ARHGAP24: variants seen among roughly 807,000 people sequenced by gnomAD.
ARHGAP24 encodes the protein rho GTPase-activating protein 24.
ARHGAP24 carries 50 observed loss-of-function variants against 76.4 expected under a neutral mutation model. That is an observed-to-expected ratio of 0.65 (90% CI 0.52 to 0.83). ARHGAP24 has a LOEUF of 0.83. ARHGAP24 is among the 40% of genes least tolerant of loss of function. The pLI, the probability that ARHGAP24 is intolerant of heterozygous loss-of-function variation, is 0.00. For missense variants in ARHGAP24, 930 were observed against 914.2 expected (o/e 1.02, Z -0.22); for synonymous variants, 345 against 323.3 (o/e 1.07, Z -0.72).
chr4:85,545,105 A>T (rs6822693), intron 1 of ARHGAP24, among the ~76,000 whole-genome samples: 69,720 of 150,176 alleles, frequency 0.46, 17,336 homozygotes, highest in East Asian at 0.84. Flanking sequence ...TTTTTTTTTT[A>T]AATTTTTTAA....
At chr4:85,791,002 A>G (rs1728094667) in intron 3 of ARHGAP24, among the ~76,000 whole-genome samples, 1 of 152,236 alleles carries the variant, frequency 6.6e-6, no homozygotes, top group African/African-American at 2.4e-5. Context: ...CCCATTAATC[A>G]GTAAACATTT....
intron 2 of ARHGAP24, among the ~76,000 whole-genome samples, chr4:85,708,283 G>C (rs541841781): frequency 1.3e-5 from 2 of 152,106 alleles, no homozygotes; most frequent in Admixed American, 1.3e-4. Context: ...TACCAAATTA[G>C]TTACCAAACA....
At chr4:85,998,203 A>C (rs907113350) in intron 9 of ARHGAP24, among the ~76,000 whole-genome samples, 3 of 152,074 alleles carry the variant, frequency 2.0e-5, no homozygotes, top group African/African-American at 7.2e-5. Flanking sequence ...TGAGTTTATC[A>C]GTTTCTTTTT....
rs1248602811 is a variant in ARHGAP24, at chr4:85,478,382, C to G, written c.-21+2823C>G. 2.0e-5 allele frequency among the ~76,000 whole-genome samples: 3 copies of G among 152,200 alleles called. No homozygotes were observed. In the East Asian group the frequency reaches 5.8e-4, roughly 29 times the overall value. ...AACCCATCTGTCTTTGCTATACAAA[C>G]TCAAACTTTACAAGGTTCTGATGGC... On this transcript the variant is annotated intron_variant, in intron 1 of 9. Transcript: ENST00000395184.
At chr4:85,843,645 A>G (rs1024039088) in intron 3 of ARHGAP24, among the ~76,000 whole-genome samples, 1 of 152,232 alleles carries the variant, frequency 6.6e-6, no homozygotes, top group Admixed American at 6.5e-5. Context: ...CTTAATTAAT[A>G]CAGGGAAAAA....
chr4:85,721,223 C>G (rs879732480), intron 2 of ARHGAP24, among the ~76,000 whole-genome samples: 25 of 151,818 alleles, frequency 1.6e-4, no homozygotes, highest in Non-Finnish European at 3.1e-4. Flanking sequence ...TGGTGAAACC[C>G]CATCTCTACT....
intron 3 of ARHGAP24, among the ~76,000 whole-genome samples, chr4:85,843,992 A>C (rs1001285493): frequency 1.3e-5 from 2 of 152,192 alleles, no homozygotes; most frequent in African/African-American, 4.8e-5. Context: ...CTAAAACATA[A>C]TTGATAACAT....
intron 3 of ARHGAP24, among the ~76,000 whole-genome samples, chr4:85,857,063 AC>A (rs1409935684): frequency 6.6e-6 from 1 of 152,150 alleles, no homozygotes; most frequent in African/African-American, 2.4e-5. Flanking sequence ...ATAAGCAATT[AC>A]TCAATAATAC....
At chr4:85,793,852 G>T (rs928777419) in intron 3 of ARHGAP24, among the ~76,000 whole-genome samples, 12 of 152,096 alleles carry the variant, frequency 7.9e-5, no homozygotes, top group African/African-American at 2.9e-4. Context: ...TTCATTGTAA[G>T]CATAATATAA....
intron 2 of ARHGAP24, among the ~76,000 whole-genome samples, chr4:85,662,150 C>A (rs1722414729): frequency 1.3e-5 from 2 of 152,264 alleles, no homozygotes; most frequent in Non-Finnish European, 1.5e-5. Flanking sequence ...AAAAGTGTTC[C>A]TATTTCTCCA....
chr4:85,832,520 C>A (rs1246915849), intron 3 of ARHGAP24, among the ~76,000 whole-genome samples: 2 of 152,120 alleles, frequency 1.3e-5, no homozygotes, highest in Admixed American at 6.5e-5. Context: ...GATTAACACA[C>A]CAAACAGGAA....
chr4:85,564,424 G>A (rs1412475781), intron 1 of ARHGAP24, among the ~76,000 whole-genome samples: 1 of 141,432 alleles, frequency 7.1e-6, no homozygotes, highest in Non-Finnish European at 1.5e-5. Context: ...GATAGCATTA[G>A]GAGATATACC....
chr4:85,627,432 A>C (rs1336299263), intron 2 of ARHGAP24, among the ~76,000 whole-genome samples: 3 of 151,990 alleles, frequency 2.0e-5, no homozygotes, highest in Non-Finnish European at 4.4e-5. Context: ...ATTCCTCTGG[A>C]AGTTTTGTCT....
intron 3 of ARHGAP24, among the ~76,000 whole-genome samples, chr4:85,845,969 G>T (rs1486531815): frequency 6.6e-6 from 1 of 151,748 alleles, no homozygotes; most frequent in African/African-American, 2.4e-5. Context: ...GCAATGGCGC[G>T]ATCTCGGCTC....
intron 1 of ARHGAP24, among the ~76,000 whole-genome samples, chr4:85,545,369 G>C (rs182462423): frequency 6.6e-6 from 1 of 152,186 alleles, no homozygotes; most frequent in East Asian, 1.9e-4. Flanking sequence ...GAAAGTGCTG[G>C]GATTACAGAC....
At chr4:85,593,097 C>T (rs1357652584) in intron 2 of ARHGAP24, among the ~76,000 whole-genome samples, 1 of 152,126 alleles carries the variant, frequency 6.6e-6, no homozygotes, top group Non-Finnish European at 1.5e-5. Flanking sequence ...TCCTTTTTCT[C>T]CACATTCTCA....
At chr4:85,961,756 G>A (rs1469885022) in intron 5 of ARHGAP24, among the ~76,000 whole-genome samples, 2 of 151,918 alleles carry the variant, frequency 1.3e-5, no homozygotes, top group Non-Finnish European at 1.5e-5. Flanking sequence ...TTTAAATGCT[G>A]TTAGAAAATA....
Position 85,995,146 on chromosome 4 carries a change from G to A in ARHGAP24, c.1492G>A (p.Val498Ile), listed in dbSNP as rs1740582348. The change falls in exon 9 of 10, where the codon GTT (valine) becomes ATT (isoleucine). Residue 498 changes from valine to isoleucine, a missense_variant. Coordinates refer to ENST00000395184, the MANE Select transcript of ARHGAP24 (RefSeq NM_001025616.3). Reference protein sequence around the residue: ...NSDTLGNPTNVRNMSWLPNGY... With the variant: ...NSDTLGNPTNIRNMSWLPNGY... Reference sequence around the variant, plus strand: ...CGACACACTCGGGAACCCCACAAATGTTCGAAACATGAGCTGGCTGCCAAA... The same window carrying A: ...CGACACACTCGGGAACCCCACAAATATTCGAAACATGAGCTGGCTGCCAAA... 7 of 1,613,948 alleles carry A rather than the reference G, an allele frequency of 4.3e-6. No individual in the cohort carries two copies. The highest frequency in any genetic ancestry group is 2.7e-5 in the African/African-American group (2 of 74,880).
chr4:85,637,003 A>G (rs1457018713), intron 2 of ARHGAP24, among the ~76,000 whole-genome samples: 5 of 152,124 alleles, frequency 3.3e-5, no homozygotes, highest in Non-Finnish European at 4.4e-5. Context: ...TGTCGCATTC[A>G]TGGATATATA....
Sources: gnomAD v4.1 joint callset for allele counts (sites outside exome capture counted in the v4.1 genomes callset) on GRCh38, gnomAD v4.1.1 for gene constraint, MANE v1.5 for transcripts, NCBI Gene and HGNC (gene_info 2026-07-23, HGNC 2026-07-21) for gene names.